Variants in BRINP3 observed in about 807,000 individuals in gnomAD.
BRINP3 encodes BMP/retinoic acid-inducible neural-specific protein 3.
BRINP3 carries 19 observed loss-of-function variants against 71.0 expected under a neutral mutation model. That is an observed-to-expected ratio of 0.27 (90% CI 0.19 to 0.39). BRINP3 has a LOEUF of 0.39. Ranked by LOEUF, BRINP3 falls within the 10% of genes least tolerant of loss-of-function variation. The pLI, the probability that BRINP3 is intolerant of heterozygous loss-of-function variation, is 1.00. For missense variants in BRINP3, 959 were observed against 940.8 expected, an observed-to-expected ratio of 1.02 and a Z score of -0.25; for synonymous variants, 380 against 337.7, an observed-to-expected ratio of 1.13 and a Z score of -1.37.
At chr1:190,159,948 G>A (rs1381861677) in intron 7 of BRINP3, among the ~76,000 whole-genome samples, 4 of 151,866 alleles carry the variant, frequency 2.6e-5, no homozygotes. Flanking sequence ...AATGATTTAA[G>A]CACCAAGTCA....
intron 7 of BRINP3, among the ~76,000 whole-genome samples, chr1:190,121,385 G>T (rs1418530163): frequency 6.6e-6 from 1 of 151,946 alleles, no homozygotes; most frequent in Non-Finnish European, 1.5e-5. Context: ...AACAATAATT[G>T]TACAATTAAG....
chr1:190,327,346 A>AAAAAAAAAAAAAAAAC (rs1666664858), intron 2 of BRINP3, among the ~76,000 whole-genome samples: 1 of 144,596 alleles, frequency 6.9e-6, no homozygotes, highest in Non-Finnish European at 1.5e-5. Context: ...AAAAAAAAAA[A>AAAAAAAAAAAAAAAAC]AAAAGGAAAA....
At chr1:190,354,466 TC>T (rs1668600679) in intron 2 of BRINP3, among the ~76,000 whole-genome samples, 1 of 151,916 alleles carries the variant, frequency 6.6e-6, no homozygotes, top group African/African-American at 2.4e-5. Context: ...AGCAGAGGGC[TC>T]GTCACTTAAA....
intron 2 of BRINP3, among the ~76,000 whole-genome samples, chr1:190,452,236 A>G (rs1364722491): frequency 6.6e-6 from 1 of 152,228 alleles, no homozygotes; most frequent in Admixed American, 6.5e-5. Flanking sequence ...AAGGTACCCT[A>G]ATGAATAAAT....
At chr1:190,426,223 T>TATG (rs1382922246) in intron 2 of BRINP3, among the ~76,000 whole-genome samples, 4 of 151,808 alleles carry the variant, frequency 2.6e-5, no homozygotes, top group African/African-American at 9.7e-5. Flanking sequence ...GTCTCACCTT[T>TATG]ATGTAGACTA....
intron 3 of BRINP3, among the ~76,000 whole-genome samples, chr1:190,278,996 A>C (rs183049130): frequency 2.2e-4 from 33 of 151,904 alleles, no homozygotes; most frequent in Middle Eastern, 3.4e-3. Flanking sequence ...CTATGGAACC[A>C]TTGGTGTTTT....
chr1:190,172,845 G>C (rs1304342877), intron 6 of BRINP3, among the ~76,000 whole-genome samples: 1 of 152,102 alleles, frequency 6.6e-6, no homozygotes, highest in Non-Finnish European at 1.5e-5. Flanking sequence ...AGCTTCCATA[G>C]AAATGGCAGC....
chr1:190,234,213 A>T (rs1249704826), intron 5 of BRINP3, among the ~76,000 whole-genome samples, 159 bp downstream of exon 5: 1 of 152,198 alleles, frequency 6.6e-6, no homozygotes, highest in African/African-American at 2.4e-5. Flanking sequence ...CTAGAATTTC[A>T]TATTTTCTTG....
intron 1 of BRINP3, among the ~76,000 whole-genome samples, chr1:190,456,746 G>A (rs1051270495): frequency 6.6e-6 from 1 of 151,220 alleles, no homozygotes; most frequent in Non-Finnish European, 1.5e-5. Context: ...ACATTTAAAC[G>A]GGCAAAATTT....
intron 6 of BRINP3, among the ~76,000 whole-genome samples, chr1:190,165,327 A>T (rs567645054): frequency 6.2e-4 from 93 of 150,594 alleles, no homozygotes; most frequent in African/African-American, 2.2e-3. Context: ...CTAGTAACAC[A>T]ATTTTTTTGT....
intron 6 of BRINP3, among the ~76,000 whole-genome samples, chr1:190,197,877 G>A (rs974894391): frequency 6.6e-6 from 1 of 152,140 alleles, no homozygotes; most frequent in Non-Finnish European, 1.5e-5. Flanking sequence ...GGGACTCTGT[G>A]TGGGAGCTCC....
chr1:190,233,188 G>A (rs959208616), intron 5 of BRINP3, among the ~76,000 whole-genome samples: 12 of 151,720 alleles, frequency 7.9e-5, no homozygotes, highest in South Asian at 6.2e-4. Flanking sequence ...GTGCAGTGTC[G>A]CATGGACAGT....
At chr1:190,461,126 T>A (rs1465801684) in intron 1 of BRINP3, among the ~76,000 whole-genome samples, 1 of 152,194 alleles carries the variant, frequency 6.6e-6, no homozygotes, top group African/African-American at 2.4e-5. Context: ...TTTCAGGATA[T>A]CTGATCTCTT....
chr1:190,151,871 C>A (rs191414556), intron 7 of BRINP3, among the ~76,000 whole-genome samples: 1 of 152,186 alleles, frequency 6.6e-6, no homozygotes, highest in Admixed American at 6.5e-5. Flanking sequence ...AAAGACAAGC[C>A]TAAAATCAAA....
At chr1:190,160,361 G>A (rs1366054402) in intron 7 of BRINP3, among the ~76,000 whole-genome samples, 2 of 151,960 alleles carry the variant, frequency 1.3e-5, no homozygotes, top group East Asian at 3.9e-4. Context: ...ATAGGGCTTT[G>A]TGCTTTTCTG....
intron 2 of BRINP3, among the ~76,000 whole-genome samples, chr1:190,402,557 C>T (rs1486089030): frequency 6.6e-6 from 1 of 151,994 alleles, no homozygotes; most frequent in Non-Finnish European, 1.5e-5. Context: ...ATTCACAGAA[C>T]AGATGAAAAA....
intron 7 of BRINP3, among the ~76,000 whole-genome samples, chr1:190,150,147 C>G (rs1205769085): frequency 6.6e-6 from 1 of 151,936 alleles, no homozygotes; most frequent in Non-Finnish European, 1.5e-5. Context: ...TTTTAGAAAA[C>G]AGTGTCTTAA....
chr1:190,253,342 A>G (rs1660325617), intron 4 of BRINP3, among the ~76,000 whole-genome samples: 1 of 152,190 alleles, frequency 6.6e-6, no homozygotes, highest in Non-Finnish European at 1.5e-5. Flanking sequence ...TCCTTGAGCA[A>G]TCACCACACT....
intron 6 of BRINP3, among the ~76,000 whole-genome samples, chr1:190,214,305 G>C (rs1253284609): frequency 2.0e-5 from 3 of 152,036 alleles, no homozygotes; most frequent in Admixed American, 6.6e-5. Context: ...TTCATGACTT[G>C]ATATCAAAAG....
Sources: allele counts gnomAD v4.1 joint callset (sites outside exome capture counted in the v4.1 genomes callset), GRCh38; gene constraint gnomAD v4.1.1; transcripts MANE v1.5; gene names NCBI Gene and HGNC (gene_info 2026-07-23, HGNC 2026-07-21).